Variants in SIPA1L1 observed in about 807,000 individuals in gnomAD.
SIPA1L1 encodes the protein signal induced proliferation associated 1 like 1, also known as signal-induced proliferation-associated 1-like protein 1.
In SIPA1L1, 26 loss-of-function variants were observed where a neutral mutation model predicts 162.7. That is an observed-to-expected ratio of 0.16 (90% CI 0.12 to 0.22). The LOEUF (loss-of-function observed/expected upper bound fraction) is 0.22. Ranked by LOEUF, SIPA1L1 falls within the 10% of genes least tolerant of loss-of-function variation. The probability of loss-of-function intolerance (pLI) is 1.00; values close to 1 mark genes in which losing one functional copy is unlikely to be tolerated. For synonymous variants in SIPA1L1, 829 were observed against 837.4 expected (o/e 0.99, Z 0.17); for missense variants, 1,874 against 2,241.0 (o/e 0.84, Z 3.31).
intron 2 of SIPA1L1, among the ~76,000 whole-genome samples, chr14:71,332,869 C>A (rs1432058871): frequency 6.6e-6 from 1 of 152,056 alleles, no homozygotes; most frequent in Non-Finnish European, 1.5e-5. Context: ...TGTAAAAATT[C>A]TATAAATTTA....
chr14:71,418,624 G>A (rs1461548680), intron 2 of SIPA1L1, among the ~76,000 whole-genome samples: 1 of 152,198 alleles, frequency 6.6e-6, no homozygotes, highest in Non-Finnish European at 1.5e-5. Context: ...AGTTGATCAT[G>A]AATTGCTAAT....
intron 7 of SIPA1L1, among the ~76,000 whole-genome samples, chr14:71,639,326 C>T (rs976328111): frequency 3.2e-4 from 49 of 152,264 alleles, no homozygotes; most frequent in African/African-American, 1.1e-3. Flanking sequence ...AGGAGGATCG[C>T]TTGAGCCCAG....
At chr14:71,514,142 C>T (rs1350656168) in intron 3 of SIPA1L1, among the ~76,000 whole-genome samples, 1 of 152,150 alleles carries the variant, frequency 6.6e-6, no homozygotes, top group Non-Finnish European at 1.5e-5. Flanking sequence ...CACTTGGAAG[C>T]GGTGCAGTAT....
chr14:71,521,805 A>G (rs1482834340), intron 3 of SIPA1L1, among the ~76,000 whole-genome samples: 3 of 152,192 alleles, frequency 2.0e-5, no homozygotes, highest in African/African-American at 7.2e-5. Context: ...CATTTGCTCC[A>G]CATTCTTAGT....
rs117800822 is a variant in SIPA1L1, at chr14:71,731,005, C to T, written c.4861+704C>T. On this transcript the variant is annotated intron_variant, in intron 20 of 23. Coordinates refer to ENST00000381232, the MANE Select transcript of SIPA1L1 (RefSeq NM_001386936.1). ...CTCCCCTCATAGCTGTGGCCCAGCA[C>T]AGCAGATGCCTGTCACGGAACCAGT... Among the ~76,000 whole-genome samples, 30 of 152,312 alleles carry T rather than the reference C, an allele frequency of 2.0e-4. No individual in the cohort carries two copies. In the East Asian group the frequency reaches 5.8e-3, roughly 29 times the overall value.
chr14:71,460,711 C>G (rs2046538682), intron 2 of SIPA1L1, among the ~76,000 whole-genome samples: 1 of 152,206 alleles, frequency 6.6e-6, no homozygotes, highest in Non-Finnish European at 1.5e-5. Context: ...TAGTGGATCA[C>G]TAGGGGTGAT....
intron 2 of SIPA1L1, among the ~76,000 whole-genome samples, chr14:71,458,288 T>C (rs2046333717): frequency 6.6e-6 from 1 of 152,204 alleles, no homozygotes; most frequent in African/African-American, 2.4e-5. Flanking sequence ...ATTTTGGCAC[T>C]CTGAGATTTT....
chr14:71,373,260 G>A (rs1470298327), intron 2 of SIPA1L1, among the ~76,000 whole-genome samples: 2 of 148,428 alleles, frequency 1.3e-5, no homozygotes, highest in Non-Finnish European at 3.0e-5. Flanking sequence ...GCAGTGAGCC[G>A]AGATCACGCC....
At chr14:71,701,290 C>T (rs2082083447) in intron 14 of SIPA1L1, among the ~76,000 whole-genome samples, 1 of 152,164 alleles carries the variant, frequency 6.6e-6, no homozygotes, top group South Asian at 2.1e-4. Context: ...GAAGACACCC[C>T]ACAAGCATCA....
At chr14:71,393,978 A>C (rs1047485397) in intron 2 of SIPA1L1, among the ~76,000 whole-genome samples, 3 of 152,204 alleles carry the variant, frequency 2.0e-5, no homozygotes, top group Non-Finnish European at 4.4e-5. Context: ...ATGAGAGGTA[A>C]ATTTTCAGGC....
chr14:71,467,617 G>T (rs1411820878), intron 2 of SIPA1L1, among the ~76,000 whole-genome samples: 1 of 152,072 alleles, frequency 6.6e-6, no homozygotes, highest in Non-Finnish European at 1.5e-5. Flanking sequence ...CTTAAAAACC[G>T]AAGAAGCAAA....
chr14:71,550,031 G>A (rs565489565), intron 4 of SIPA1L1, among the ~76,000 whole-genome samples: 213 of 122,564 alleles, frequency 1.7e-3, no homozygotes, highest in South Asian at 4.6e-3. Flanking sequence ...GGCTGAGGTA[G>A]GAGAATCACT....
intron 2 of SIPA1L1, among the ~76,000 whole-genome samples, chr14:71,506,429 C>A (rs2050675930): frequency 6.6e-6 from 1 of 152,150 alleles, no homozygotes. Context: ...TGACCTCTGC[C>A]TCACAAGTTC....
intron 2 of SIPA1L1, among the ~76,000 whole-genome samples, chr14:71,345,700 T>TG (rs2036089624): frequency 6.6e-6 from 1 of 151,328 alleles, no homozygotes; most frequent in Non-Finnish European, 1.5e-5. Context: ...CCTGAGTGGC[T>TG]GGGACTACAG....
At chr14:71,513,075 C>T (rs2144477016) in intron 3 of SIPA1L1, among the ~76,000 whole-genome samples, 1 of 152,288 alleles carries the variant, frequency 6.6e-6, no homozygotes, top group South Asian at 2.1e-4. Flanking sequence ...AAGCTGAAAC[C>T]CAACCACCTT....
At chr14:71,535,021 A>G (rs186499491) in intron 4 of SIPA1L1, among the ~76,000 whole-genome samples, 49 of 152,374 alleles carry the variant, frequency 3.2e-4, no homozygotes, top group East Asian at 1.7e-3. Context: ...CTGGTAAAAA[A>G]GTAGAAAATG....
intron 2 of SIPA1L1, among the ~76,000 whole-genome samples, chr14:71,392,596 C>T (rs1261412858): frequency 2.0e-5 from 3 of 152,090 alleles, no homozygotes; most frequent in African/African-American, 4.8e-5. Context: ...GGTGCGATCT[C>T]GGCTCACTGC....
chr14:71,694,443 T>G (rs187890974), intron 13 of SIPA1L1, among the ~76,000 whole-genome samples: 1 of 152,236 alleles, frequency 6.6e-6, no homozygotes, highest in African/African-American at 2.4e-5. Flanking sequence ...AAGTAATGTC[T>G]CTGGATGGTG....
rs191243334 is a variant in SIPA1L1 at position 71,399,259 on chromosome 14, T to C, written c.-465+78078T>C. Reference sequence around the variant, plus strand: ...TCTAGTGAAGGGAAGAGGGAGGCAGTTGATGATGTTTGTATTATCCACCCC... The same window carrying C: ...TCTAGTGAAGGGAAGAGGGAGGCAGCTGATGATGTTTGTATTATCCACCCC... On this transcript the variant is annotated intron_variant, in intron 2 of 23. Coordinates refer to ENST00000381232, the MANE Select transcript of SIPA1L1 (RefSeq NM_001386936.1). Among the ~76,000 whole-genome samples, 18 of 152,336 alleles carry C rather than the reference T, an allele frequency of 1.2e-4. 1 individual carries two copies. The highest frequency in any genetic ancestry group is 2.1e-4 in the Non-Finnish European group (14 of 68,034).
Sources: gnomAD v4.1 joint callset for allele counts (sites outside exome capture counted in the v4.1 genomes callset) on GRCh38, gnomAD v4.1.1 for gene constraint, MANE v1.5 for transcripts, NCBI Gene and HGNC (gene_info 2026-07-23, HGNC 2026-07-21) for gene names.